The following MAP7D3 variants were observed in gnomAD, a reference collection of about 807,000 sequenced individuals.
The protein encoded by MAP7D3 is MAP7 domain containing 3, also known as MAP7 domain-containing protein 3.
In MAP7D3, 45 loss-of-function variants were observed where a neutral mutation model predicts 62.2. The observed-to-expected ratio is 0.72, with a 90% CI of 0.57 to 0.93. The LOEUF (loss-of-function observed/expected upper bound fraction) is 0.93. MAP7D3 is among the 40% of genes least tolerant of loss of function. The pLI is 0.00. For synonymous variants in MAP7D3, 288 were observed against 248.8 expected (o/e 1.16, Z -1.48); for missense variants, 711 against 683.1 (o/e 1.04, Z -0.45).
Position 136,228,606 on chromosome X carries a change from G to C in MAP7D3, c.1886+17C>G, listed in dbSNP as rs2273220. 1.7e-6 allele frequency: 2 copies of C among 1,194,297 alleles called. No individual in the cohort carries two copies. The highest frequency in any genetic ancestry group is 2.3e-6 in the Non-Finnish European group (2 of 888,751). On this transcript the variant is annotated intron_variant, in intron 11 of 18. Transcript: ENST00000316077. Reference sequence around the variant, plus strand: ...CACTCAAGATTTATAGTATAGGAAGGAAGACTTTGTGCTGACCTTTGCTGC... The same window carrying C: ...CACTCAAGATTTATAGTATAGGAAGCAAGACTTTGTGCTGACCTTTGCTGC...
intron 1 of MAP7D3, among the ~76,000 whole-genome samples, chrX:136,249,938 C>T (rs1159961303): frequency 8.9e-6 from 1 of 112,330 alleles, no homozygotes; most frequent in Non-Finnish European, 1.9e-5. Flanking sequence ...AATTTTAAAA[C>T]ACTTTCCAAC....
upstream of MAP7D3, among the ~76,000 whole-genome samples, chrX:136,255,452 A>C (rs1018340415): frequency 1.8e-5 from 2 of 111,565 alleles, no homozygotes; most frequent in Non-Finnish European, 3.8e-5. Context: ...TATTCAATTA[A>C]TCTTTTATTA....
upstream of MAP7D3, among the ~76,000 whole-genome samples, chrX:136,253,217 G>A (rs1451499100): frequency 1.8e-5 from 2 of 112,538 alleles, no homozygotes; most frequent in Non-Finnish European, 3.8e-5. Context: ...AGCCATTCAT[G>A]ATTATTAATA....
downstream of MAP7D3, among the ~76,000 whole-genome samples, chrX:136,215,167 A>G (rs1448222330): frequency 8.9e-6 from 1 of 112,254 alleles, no homozygotes; most frequent in Non-Finnish European, 1.9e-5. Flanking sequence ...CTTATCAAAA[A>G]CAAAACCTAG....
chrX:136,218,638 C>T (rs1292370322), intron 18 of MAP7D3, 145 bp from the exon 19 acceptor site: 1 of 111,705 alleles, frequency 9.0e-6, no homozygotes, highest in Non-Finnish European at 1.9e-5. Context: ...TATAAATGTC[C>T]TTCACTTCCC....
At chrX:136,214,621 G>C (rs1488389192), downstream of MAP7D3, 1 of 112,012 alleles carries the variant, frequency 8.9e-6, no homozygotes, top group Non-Finnish European at 1.9e-5. Context: ...ACGTGAGCTA[G>C]CAGCCCTCTC....
intron 14 of MAP7D3, among the ~76,000 whole-genome samples, chrX:136,223,302 G>A (rs1034539710): frequency 9.0e-6 from 1 of 111,436 alleles, no homozygotes; most frequent in East Asian, 2.8e-4. Flanking sequence ...TATCAGTCTT[G>A]TAGCATAGAA....
At chrX:136,245,474 G>A (rs774632762) in intron 3 of MAP7D3, among the ~76,000 whole-genome samples, 2 of 111,547 alleles carry the variant, frequency 1.8e-5, no homozygotes, top group Non-Finnish European at 1.9e-5. Context: ...CTGGCCAGGC[G>A]CGGTGGCTCA....
In MAP7D3 at chrX:136,222,423, T is replaced by C. The variant is rs376495633; in HGVS notation, c.2257A>G (p.Lys753Glu). 7.5e-6 allele frequency: 9 copies of C among 1,207,970 alleles called. No individual in the cohort carries two copies. In the African/African-American group the frequency reaches 1.6e-4, roughly 21 times the overall value. ...GGAAACATTTCATTCAATGAGTCCT[T>C]GTCGCTTTCTTCGTTGTCAGCCTCA... is the stretch of plus-strand genomic sequence containing the variant. Reference protein sequence around the residue: ...EAEADNEESDKDSLNEMFPSA... With the variant: ...EAEADNEESDEDSLNEMFPSA... Residue 753 changes from lysine (K) to glutamate (E), a missense_variant, in exon 15 of 19, where the codon AAG (lysine) becomes GAG (glutamate). Lys to Glu is a moderately conservative substitution (Grantham distance 56). Coordinates refer to ENST00000316077, the MANE Select transcript of MAP7D3 (RefSeq NM_024597.4).
chrX:136,230,494 G>T lies in MAP7D3; in HGVS notation c.1641C>A (p.His547Gln). The T allele has an allele frequency of 8.5e-7, 1 of 1,178,606 alleles. No individual in the cohort carries two copies. The highest frequency in any genetic ancestry group is 1.2e-6 in the Non-Finnish European group (1 of 865,298). Residue 547 changes from histidine (H) to glutamine (Q), a missense_variant, in exon 10 of 19, where the codon CAC becomes CAA. Transcript: ENST00000316077. ...SFPYKIMPIQHTLSVQSASST... is the reference protein window; with the variant it reads ...SFPYKIMPIQQTLSVQSASST... ...TTGATGCACTTTGCACAGACAGGGTGTGTTGAATAGGCATTATTTTATAAG... is the reference window on the plus strand; with the variant it reads ...TTGATGCACTTTGCACAGACAGGGTTTGTTGAATAGGCATTATTTTATAAG...
In MAP7D3 at chrX:136,231,661, C is replaced by T. The variant is rs376124820; in HGVS notation, c.1296G>A (p.Gly432=). The T allele has an allele frequency of 6.6e-6, 8 of 1,205,839 alleles. No individual in the cohort carries two copies. The highest frequency in any genetic ancestry group is 7.9e-6 in the Non-Finnish European group (7 of 890,936). The change falls in exon 8 of 19, where the codon GGG becomes GGA. Residue 432 remains glycine (G), a synonymous_variant. Coordinates refer to ENST00000316077, the MANE Select transcript of MAP7D3 (RefSeq NM_024597.4). ...AEVAPKESVK[G]SPKESMEASP... is the part of the protein sequence containing the mutation. ...ATGCCTCCATGCTCTCCTTGGGTGA[C>T]CCTTTCACACTCTCCTTGGGGGCTA...
intron 8 of MAP7D3, 155 bp from the exon 9 acceptor site, chrX:136,231,121 A>G (rs753971378): frequency 5.3e-5 from 20 of 380,213 alleles, no homozygotes; most frequent in Non-Finnish European, 8.3e-5. Context: ...GAATCAGGAC[A>G]TTGATATTTG....
chrX:136,219,776 T>TA, intron 16 of MAP7D3, 105 bp from the exon 17 acceptor site: 3 of 629,761 alleles, frequency 4.8e-6, no homozygotes, highest in Non-Finnish European at 8.2e-6. Flanking sequence ...GCCTTGGAAT[T>TA]AAAAAACATT....
chrX:136,219,884 G>C, intron 16 of MAP7D3: 2 of 457,458 alleles, frequency 4.4e-6, no homozygotes, highest in South Asian at 6.3e-5. Flanking sequence ...TCCCACGGAA[G>C]CACCAGGAGT....
Position 136,244,691 on chromosome X carries a change from C to A in MAP7D3, c.358G>T (p.Glu120Ter). The change falls in exon 4 of 19, where the codon GAA becomes TAA. Residue 120 changes from glutamate to a stop codon, truncating the protein, a stop_gained. Transcript: ENST00000316077. LOFTEE classifies it high-confidence loss of function. Reference sequence around the variant, plus strand: ...TCTGCAGCTATTCTCCGTTGTTCTTCTTTCTCTTTTCGCTCCTTCAGCTTT... The same window carrying A: ...TCTGCAGCTATTCTCCGTTGTTCTTATTTCTCTTTTCGCTCCTTCAGCTTT... The part of the protein sequence containing the change: ...QRKLKERKEK[E>*]EQRRIAAEEK... 8.3e-7 allele frequency: 1 copy of A among 1,210,077 alleles called. No individual in the cohort carries two copies. Among genetic ancestry groups the A allele is most frequent in the Non-Finnish European group, 1.1e-6 (1 of 894,102 alleles).
At chrX:136,241,352 T>G in intron 4 of MAP7D3, 75 bp from the exon 5 acceptor site, 1 of 595,129 alleles carries the variant, frequency 1.7e-6, no homozygotes, top group Non-Finnish European at 2.6e-6. Flanking sequence ...GTTTATAAAA[T>G]AAACCATAAC....
downstream of MAP7D3, chrX:136,215,096 T>G (rs1396171199): frequency 8.9e-6 from 1 of 111,980 alleles, no homozygotes; most frequent in East Asian, 2.8e-4. Flanking sequence ...CAGTGGGGAA[T>G]GGCTACCACC....
intron 11 of MAP7D3, 125 bp from the exon 12 acceptor site, chrX:136,227,556 C>T (rs1170846110): frequency 1.8e-5 from 8 of 435,775 alleles, no homozygotes; most frequent in Non-Finnish European, 2.6e-5. Flanking sequence ...ACCAGAGTCA[C>T]TACATCTTCT....
At position 136,231,997 on chromosome X, in the gene MAP7D3, T is replaced by C; in HGVS notation, c.960A>G (p.Glu320=). 8.3e-7 allele frequency: 1 copy of C among 1,211,166 alleles called. No homozygotes were observed. Reference sequence around the variant, plus strand: ...TGCCCACACCTGCCTTGGGGGACGCTTCCATGCTTGTGTTGCAGAATACTT... The same window carrying C: ...TGCCCACACCTGCCTTGGGGGACGCCTCCATGCTTGTGTTGCAGAATACTT... The part of the protein sequence containing the change: ...NVEVFCNTSM[E]ASPKAGVGMA... The change falls in exon 8 of 19, where the codon GAA becomes GAG. Residue 320 remains glutamate, a synonymous_variant. Coordinates refer to ENST00000316077, the MANE Select transcript of MAP7D3 (RefSeq NM_024597.4).
Sources: gnomAD v4.1 joint callset for allele counts (sites outside exome capture counted in the v4.1 genomes callset) on GRCh38, gnomAD v4.1.1 for gene constraint, MANE v1.5 for transcripts, NCBI Gene and HGNC (gene_info 2026-07-23, HGNC 2026-07-21) for gene names.